WNT5B: variants seen among roughly 807,000 people sequenced by gnomAD.
The protein encoded by WNT5B is protein Wnt-5b.
Under a neutral mutation model 36.5 loss-of-function variants are expected in WNT5B, and 18 were observed. That is an observed-to-expected ratio of 0.49 (90% confidence interval 0.34 to 0.73). WNT5B has a LOEUF of 0.73. Among genes scored for constraint, WNT5B ranks in the 30% least tolerant of loss-of-function variants. The pLI, the probability that WNT5B is intolerant of heterozygous loss-of-function variation, is 0.01. For missense variants in WNT5B, 424 were observed against 508.4 expected (o/e 0.83, Z 1.60); for synonymous variants, 213 against 212.3 (o/e 1.00, Z -0.03).
In WNT5B at chr12:1,632,768, T is replaced by C; in HGVS notation, c.191T>C (p.Leu64Ser). The change falls in exon 3 of 5, where the codon TTG (leucine) becomes TCG (serine). Residue 64 changes from leucine to serine, a missense_variant. Physicochemically the swap from Leu to Ser is moderately radical, Grantham distance 145. Transcript: ENST00000397196. The surrounding 1 kb of genome is among the most constrained non-coding windows in gnomAD (Gnocchi z 5.8). ...CCTGGCCAGAGGAAGCTGTGCCAATTGTACCAGGAGCACATGGCCTACATA... is the reference window on the plus strand; with the variant it reads ...CCTGGCCAGAGGAAGCTGTGCCAATCGTACCAGGAGCACATGGCCTACATA... ...LSPGQRKLCQ[L>S]YQEHMAYIGE... 6.2e-7 allele frequency: 1 copy of C among 1,614,152 alleles called. No homozygotes were observed. Among genetic ancestry groups the C allele is most frequent in the Non-Finnish European group, 8.5e-7 (1 of 1,180,002 alleles).
chr12:1,619,651 CA>C (rs1279138137), intron 1 of WNT5B, among the ~76,000 whole-genome samples: 10 of 146,672 alleles, frequency 6.8e-5, no homozygotes, highest in Admixed American at 1.4e-4. Context: ...AATAACTGAC[CA>C]AAAAAAAAAG....
chr12:1,639,744 G>A lies in WNT5B; in HGVS notation c.389G>A (p.Ser130Asn). ...GCCGCGGGCGTGGTCAACGCCATCA[G>A]CCGGGCCTGCCGCGAGGGCGAGCTC... The part of the protein sequence containing the change: ...VSAAGVVNAI[S>N]RACREGELST... The change falls in exon 4 of 5, where the codon AGC becomes AAC. Residue 130 changes from serine (S) to asparagine (N), a missense_variant. Physicochemically the swap from Ser to Asn is conservative, Grantham distance 46. Coordinates refer to ENST00000397196, the MANE Select transcript of WNT5B (RefSeq NM_032642.3). The A allele has an allele frequency of 1.9e-6, 3 of 1,602,296 alleles. No homozygotes were observed. The highest frequency in any genetic ancestry group is 2.6e-6 in the Non-Finnish European group (3 of 1,174,738).
At chr12:1,645,364 CA>C (rs1592542041) in intron 4 of WNT5B, among the ~76,000 whole-genome samples, 1 of 152,170 alleles carries the variant, frequency 6.6e-6, no homozygotes, top group African/African-American at 2.4e-5. Context: ...TCAGCCTCCC[CA>C]GTAGCTGGGA....
intron 1 of WNT5B, among the ~76,000 whole-genome samples, chr12:1,623,184 G>GGT (rs1272170104): frequency 3.7e-5 from 2 of 53,492 alleles, no homozygotes; most frequent in African/African-American, 1.5e-4. Context: ...AGGGTTTTTT[G>GGT]TTGTTTTTTT....
At chr12:1,638,924 T>TGAGG (rs762865031) in intron 3 of WNT5B, among the ~76,000 whole-genome samples, 29 of 152,190 alleles carry the variant, frequency 1.9e-4, no homozygotes, top group Non-Finnish European at 3.5e-4. Flanking sequence ...ATGGCATCTG[T>TGAGG]GAGGGAGACA....
At chr12:1,619,401 A>G (rs1261681631) in intron 1 of WNT5B, among the ~76,000 whole-genome samples, 2 of 152,204 alleles carry the variant, frequency 1.3e-5, no homozygotes, top group East Asian at 3.8e-4. Flanking sequence ...AGAAACCTAG[A>G]GACAGAGACC....
Position 1,630,062 on chromosome 12 carries a change from T to C in WNT5B, c.-58+691T>C. On this transcript the variant is annotated intron_variant, in intron 1 of 4. Coordinates refer to ENST00000397196, the MANE Select transcript of WNT5B (RefSeq NM_032642.3). This position sits in a 1 kb window ranked among gnomAD's most constrained non-coding sequence, Gnocchi z 5.3. Reference sequence around the variant, plus strand: ...TTGGGGAAGGGCTGTGTCCCAGCTCTCCTGGACCCTGCTCGGGCCACTGTC... The same window carrying C: ...TTGGGGAAGGGCTGTGTCCCAGCTCCCCTGGACCCTGCTCGGGCCACTGTC... The C allele has an allele frequency of 2.1e-6, 2 of 934,832 alleles. No homozygotes were observed. The highest frequency in any genetic ancestry group is 2.6e-6 in the Non-Finnish European group (2 of 783,800). 57.9% of individuals were successfully genotyped at this position (934,832 alleles called of 1,614,324 possible). A position where few individuals can be genotyped will look rare whatever the true frequency, so the allele number is the denominator to read the frequency against.
At chr12:1,631,213 G>A in intron 1 of WNT5B, 85 bp from the exon 2 acceptor site, 1 of 1,296,064 alleles carries the variant, frequency 7.7e-7, no homozygotes, top group Non-Finnish European at 1.1e-6. Context: ...AAGCATCAGT[G>A]CAACTTTCTC....
At chr12:1,627,093 A>G (rs375883536), upstream of WNT5B, among the ~76,000 whole-genome samples, 6 of 152,362 alleles carry the variant, frequency 3.9e-5, no homozygotes, top group South Asian at 6.2e-4. The surrounding 1 kb of genome is among the most constrained non-coding windows in gnomAD (Gnocchi z 5.0). Context: ...TCCATGGCAC[A>G]TTAAATGCTG....
At chr12:1,626,726 G>T (rs1038819434), upstream of WNT5B, among the ~76,000 whole-genome samples, 2 of 151,544 alleles carry the variant, frequency 1.3e-5, no homozygotes, top group African/African-American at 4.9e-5. Flanking sequence ...CACCACACTG[G>T]GCTAATTTTT....
chr12:1,631,527 ACCTTGATT>A (rs1236279679), intron 2 of WNT5B, 93 bp downstream of exon 2: 1 of 1,586,876 alleles, frequency 6.3e-7, no homozygotes, highest in Non-Finnish European at 8.6e-7. Context: ...TCACGGTAGT[ACCTTGATT>A]CCTGGGAGTA....
intron 3 of WNT5B, among the ~76,000 whole-genome samples, chr12:1,637,696 GC>G (rs1199294186): frequency 6.6e-6 from 1 of 151,516 alleles, no homozygotes; most frequent in African/African-American, 2.4e-5. Flanking sequence ...GTTGCAGTGA[GC>G]TGAGATCGTG....
At chr12:1,623,177 G>GTTTTTTTTTT (rs1565603144) in intron 1 of WNT5B, among the ~76,000 whole-genome samples, 2 of 98,182 alleles carry the variant, frequency 2.0e-5, no homozygotes, top group African/African-American at 8.5e-5. Flanking sequence ...CCTTTGAAGG[G>GTTTTTTTTTT]TTTTTTGTTG....
At chr12:1,619,500 T>G (rs1021760066) in intron 1 of WNT5B, among the ~76,000 whole-genome samples, 6 of 151,998 alleles carry the variant, frequency 3.9e-5, no homozygotes, top group Non-Finnish European at 7.4e-5. Context: ...TCGTAAGAGG[T>G]GGTGGAATTT....
At chr12:1,639,168 C>T (rs766239913) in intron 3 of WNT5B, among the ~76,000 whole-genome samples, 8 of 151,222 alleles carry the variant, frequency 5.3e-5, no homozygotes, top group East Asian at 1.9e-4. Context: ...GACAGAGTCT[C>T]ACTCTGTCGC....
Position 1,646,175 on chromosome 12 carries a change from C to T in WNT5B, c.1003C>T (p.His335Tyr). ...CAAGAGCGTGCAGGTGGAGCGCTGC[C>T]ACTGCAAGTTCCACTGGTGCTGCTT... The part of the protein sequence containing the change: ...QFKSVQVERC[H>Y]CKFHWCCFVR... The change falls in exon 5 of 5, where the codon CAC becomes TAC. Residue 335 changes from histidine to tyrosine, a missense_variant. Physicochemically the swap from His to Tyr is moderately conservative, Grantham distance 83. Transcript: ENST00000397196. 1 of 1,613,902 alleles carries T rather than the reference C, an allele frequency of 6.2e-7. No homozygotes were observed. Among genetic ancestry groups the T allele is most frequent in the South Asian group, 1.1e-5 (1 of 91,090 alleles).
intron 1 of WNT5B, among the ~76,000 whole-genome samples, chr12:1,623,825 A>C (rs939190876): frequency 7.2e-5 from 11 of 152,196 alleles, no homozygotes; most frequent in Non-Finnish European, 1.0e-4. Flanking sequence ...AGTAAAACTA[A>C]GTACCAACTC....
chr12:1,622,536 G>A (rs895397594), intron 1 of WNT5B, among the ~76,000 whole-genome samples: 1 of 152,174 alleles, frequency 6.6e-6, no homozygotes, highest in Non-Finnish European at 1.5e-5. Context: ...ATAAGGGGAG[G>A]TACAGTCAAG....
intron 4 of WNT5B, among the ~76,000 whole-genome samples, chr12:1,645,303 A>G (rs752283189): frequency 2.0e-5 from 3 of 152,208 alleles, no homozygotes; most frequent in Non-Finnish European, 4.4e-5. Context: ...CAGTGGCACA[A>G]GCATAGCTTG....
Sources: allele counts gnomAD v4.1 joint callset (sites outside exome capture counted in the v4.1 genomes callset), GRCh38; gene constraint gnomAD v4.1.1; non-coding constraint Gnocchi (gnomAD v3.1); transcripts MANE v1.5; gene names NCBI Gene and HGNC (gene_info 2026-07-23, HGNC 2026-07-21).